Variants in CDK13 observed in about 807,000 individuals in gnomAD.
CDK13 encodes cyclin-dependent kinase 13.
CDK13 carries 40 observed loss-of-function variants against 137.6 expected under a neutral mutation model. The ratio of observed to expected loss-of-function variants is 0.29; its 90% CI spans 0.23 to 0.38. CDK13 has a LOEUF of 0.38. Ranked by LOEUF, CDK13 falls within the 10% of genes least tolerant of loss-of-function variation. CDK13 has a pLI of 1.00. For synonymous variants in CDK13, 869 were observed against 760.1 expected (o/e 1.14, Z -2.36); for missense variants, 1,704 against 1,951.8 (o/e 0.87, Z 2.39).
At position 40,098,841 on chromosome 7, in the gene CDK13, A is replaced by C. The variant is rs1281230676; in HGVS notation, c.*3861A>C. Reference sequence around the variant, plus strand: ...ACAAGTGGCTTTAAAAAGTCTGCTTAAAAAACAATTTTTATTTAGAAAAAA... The same window carrying C: ...ACAAGTGGCTTTAAAAAGTCTGCTTCAAAAACAATTTTTATTTAGAAAAAA... On this transcript the variant is annotated 3_prime_UTR_variant, in exon 14 of 14. Coordinates refer to ENST00000181839, the MANE Select transcript of CDK13 (RefSeq NM_003718.5). The C allele has an allele frequency of 6.6e-6, 1 of 152,108 alleles. No individual in the cohort carries two copies. Among genetic ancestry groups the C allele is most frequent in the East Asian group, 1.9e-4 (1 of 5,202 alleles). 9.4% of individuals were successfully genotyped at this position (152,108 alleles called of 1,614,324 possible).
intron 5 of CDK13, among the ~76,000 whole-genome samples, chr7:40,044,707 G>A (rs956336325): frequency 2.0e-5 from 3 of 152,078 alleles, no homozygotes; most frequent in African/African-American, 7.2e-5. Context: ...CGTGATCTCG[G>A]CTCACTGCAA....
At position 40,095,878 on chromosome 7, in the gene CDK13, C is replaced by T. The variant is rs1025322675; in HGVS notation, c.*898C>T. The T allele has an allele frequency of 6.6e-6, 1 of 152,186 alleles. No individual in the cohort carries two copies. The highest frequency in any genetic ancestry group is 2.4e-5 in the African/African-American group (1 of 41,450). 9.4% of individuals were successfully genotyped at this position (152,186 alleles called of 1,614,324 possible). On this transcript the variant is annotated 3_prime_UTR_variant, in exon 14 of 14. Coordinates refer to ENST00000181839, the MANE Select transcript of CDK13 (RefSeq NM_003718.5). ...TGGGCTGTGTTGCCTTTCACTACCA[C>T]CTTCTCTTGATAGGGGAGTGAGAGC...
At chr7:40,041,182 C>T (rs1785597207) in intron 5 of CDK13, among the ~76,000 whole-genome samples, 1 of 151,984 alleles carries the variant, frequency 6.6e-6, no homozygotes, top group South Asian at 2.1e-4. Flanking sequence ...AAAAATTAGC[C>T]AGGAGTGGTG....
At position 39,950,599 on chromosome 7, in the gene CDK13, A is replaced by C; in HGVS notation, c.-43A>C. 2 of 1,289,316 alleles carry C rather than the reference A, an allele frequency of 1.6e-6. No homozygotes were observed. The highest frequency in any genetic ancestry group is 2.0e-6 in the Non-Finnish European group (2 of 1,019,208). The allele number at this position is 1,289,316 out of a possible 1,614,324, so 79.9% of individuals were successfully genotyped here. On this transcript the variant is annotated 5_prime_UTR_variant, in exon 1 of 14. Coordinates refer to ENST00000181839, the MANE Select transcript of CDK13 (RefSeq NM_003718.5). ...GGAGATGGCCAGGATCTGACCCGGG[A>C]GGAGGCCGCACCCGCGCCGCGCTCT...
chr7:40,047,903 G>A, intron 7 of CDK13, 26 bp downstream of exon 7: 3 of 1,448,246 alleles, frequency 2.1e-6, no homozygotes, highest in South Asian at 1.1e-5. Context: ...AATGAATATT[G>A]TAGATACTAG....
At position 39,950,351 on chromosome 7, in the gene CDK13, G is replaced by C. The variant is rs894760185; in HGVS notation, c.-291G>C. 3.4e-6 allele frequency: 4 copies of C among 1,180,602 alleles called. No individual in the cohort carries two copies. The African/African-American group carries it at 6.3e-5, about 19-fold the overall frequency. The allele number at this position is 1,180,602 out of a possible 1,614,324, so 73.1% of individuals were successfully genotyped here. Reference sequence around the variant, plus strand: ...GGACTCGGGACTCCCCCGCAGGTCAGCGCCCGGCGCATCTGGTGTTTTCGC... The same window carrying C: ...GGACTCGGGACTCCCCCGCAGGTCACCGCCCGGCGCATCTGGTGTTTTCGC... On this transcript the variant is annotated 5_prime_UTR_variant, in exon 1 of 14. Coordinates refer to ENST00000181839, the MANE Select transcript of CDK13 (RefSeq NM_003718.5).
intron 5 of CDK13, among the ~76,000 whole-genome samples, chr7:40,014,149 G>A (rs11980745): frequency 0.54 from 78,948 of 145,268 alleles, 22,957 homozygotes; most frequent in African/African-American, 0.78. Context: ...GCTCACTGCA[G>A]TCTCCGACTC....
chr7:40,006,473 G>C (rs544581518), intron 5 of CDK13, among the ~76,000 whole-genome samples: 12 of 152,280 alleles, frequency 7.9e-5, no homozygotes, highest in African/African-American at 2.6e-4. Flanking sequence ...TTCTGAATGA[G>C]TAAAATAATA....
At chr7:39,976,323 T>TCTCACACACACA in intron 1 of CDK13, among the ~76,000 whole-genome samples, 12 of 39,582 alleles carry the variant, frequency 3.0e-4, no homozygotes, top group South Asian at 1.2e-3. Context: ...TCTCTCTCTC[T>TCTCACACACACA]CACACACACA....
At chr7:40,079,954 TA>T (rs1455234523) in intron 11 of CDK13, among the ~76,000 whole-genome samples, 1 of 152,102 alleles carries the variant, frequency 6.6e-6, no homozygotes, top group Non-Finnish European at 1.5e-5. Context: ...TGACAGGATC[TA>T]GAAACCTTGT....
chr7:40,030,219 T>TTA (rs556624058), intron 5 of CDK13, among the ~76,000 whole-genome samples: 1 of 103,646 alleles, frequency 9.6e-6, no homozygotes, highest in East Asian at 3.4e-4. Flanking sequence ...GAAGAGAAAA[T>TTA]TATATATATA....
At chr7:40,092,677 C>T (rs1040236246) in intron 12 of CDK13, 108 bp from the exon 13 acceptor site, 3 of 723,314 alleles carry the variant, frequency 4.1e-6, no homozygotes, top group Non-Finnish European at 6.9e-6. Flanking sequence ...TTCTTAAATA[C>T]TCTCCCTCAA....
chr7:40,068,449 A>T (rs1226874752), intron 9 of CDK13, among the ~76,000 whole-genome samples: 1 of 152,068 alleles, frequency 6.6e-6, no homozygotes. Flanking sequence ...TAGTCCCAAC[A>T]CTTTGGGAGG....
chr7:40,068,101 AAAG>A (rs1314059800), intron 9 of CDK13: 1 of 151,748 alleles, frequency 6.6e-6, no homozygotes, highest in African/African-American at 2.4e-5. Flanking sequence ...AAAAAAAAAA[AAAG>A]AAAAATTGTA....
At chr7:40,006,368 C>T (rs1374311452) in intron 5 of CDK13, among the ~76,000 whole-genome samples, 2 of 152,156 alleles carry the variant, frequency 1.3e-5, no homozygotes, top group African/African-American at 4.8e-5. Context: ...GATGGAGATG[C>T]ATTTGCTGAA....
chr7:39,995,060 A>G (rs949132590), intron 2 of CDK13, among the ~76,000 whole-genome samples: 1 of 151,840 alleles, frequency 6.6e-6, no homozygotes, highest in African/African-American at 2.4e-5. Context: ...TCTTCAGTCA[A>G]ATGTTTTATT....
rs574808179 is a variant in CDK13, at chr7:40,098,727, A to T, written c.*3747A>T. 3.3e-5 allele frequency: 5 copies of T among 152,212 alleles called. No individual in the cohort carries two copies. In the East Asian group the frequency reaches 5.8e-4, roughly 18 times the overall value. The allele number at this position is 152,212 out of a possible 1,614,324, so 9.4% of individuals were successfully genotyped here. A position where few individuals can be genotyped will look rare whatever the true frequency, so the allele number is the denominator to read the frequency against. ...AAGCCATACCTAAATTCTGCAGTAAATACTTAACTTTTTAATAGGGAAATT... is the reference window on the plus strand; with the variant it reads ...AAGCCATACCTAAATTCTGCAGTAATTACTTAACTTTTTAATAGGGAAATT... On this transcript the variant is annotated 3_prime_UTR_variant, in exon 14 of 14. Transcript: ENST00000181839.
chr7:39,962,032 A>G (rs562366789), intron 1 of CDK13, among the ~76,000 whole-genome samples: 2 of 152,282 alleles, frequency 1.3e-5, no homozygotes, highest in South Asian at 2.1e-4. Flanking sequence ...AATCCAGTCT[A>G]TCATTGTTGG....
intron 5 of CDK13, among the ~76,000 whole-genome samples, chr7:40,006,748 C>G (rs1784803221): frequency 6.6e-6 from 1 of 152,184 alleles, no homozygotes; most frequent in African/African-American, 2.4e-5. Context: ...CGCCACTGCA[C>G]TCCAGCCTGG....
Sources: allele counts gnomAD v4.1 joint callset (sites outside exome capture counted in the v4.1 genomes callset), GRCh38; gene constraint gnomAD v4.1.1; transcripts MANE v1.5; gene names NCBI Gene and HGNC (gene_info 2026-07-23, HGNC 2026-07-21).